Variants in IL26 observed in about 807,000 individuals in gnomAD.
The protein encoded by IL26 is interleukin 26.
IL26 carries 23 observed loss-of-function variants against 21.7 expected under a neutral mutation model. That is an observed-to-expected ratio of 1.06 (90% CI 0.76 to 1.50). The LOEUF (loss-of-function observed/expected upper bound fraction) is 1.50, where lower values mean the gene tolerates loss of function less well. Among genes scored for constraint, IL26 ranks in the 40% most tolerant of loss-of-function variants. IL26 has a pLI of 0.00. For synonymous variants in IL26, 63 were observed against 67.8 expected (o/e 0.93, Z 0.34); for missense variants, 204 against 196.0 (o/e 1.04, Z -0.24).
intron 3 of IL26, among the ~76,000 whole-genome samples, chr12:68,224,290 G>C (rs1208853678): frequency 1.8e-5 from 1 of 56,064 alleles, no homozygotes; most frequent in African/African-American, 1.8e-4. Context: ...CAGTGTTTTT[G>C]TTTTGTTTTG....
chr12:68,210,338 C>CAAAAAAAAAAAAAAAAAAAAAAAAAAA lies in IL26; in HGVS notation c.364-8282_364-8256dup, dbSNP rs540693081. On this transcript the variant is annotated intron_variant, in intron 3 of 4. Coordinates refer to ENST00000229134, the MANE Select transcript of IL26 (RefSeq NM_018402.2). ...ACTAAATAAATAAATATCAGTTTGG[C>CAAAAAAAAAAAAAAAAAAAAAAAAAAA]AAAAAAAAAAAAAAAAAAAAAAAAA... Among the ~76,000 whole-genome samples the CAAAAAAAAAAAAAAAAAAAAAAAAAAA allele has an allele frequency of 5.4e-4, 12 of 22,096 alleles. 1 individual carries two copies. The highest frequency in any genetic ancestry group is 2.6e-3 in the Admixed American group (4 of 1,526). The allele number at this position is 22,096 out of a possible 152,430, so 14.5% of individuals were successfully genotyped here. A position where few individuals can be genotyped will look rare whatever the true frequency, so the allele number is the denominator to read the frequency against.
chr12:68,209,585 A>G (rs1367217093), intron 3 of IL26, among the ~76,000 whole-genome samples: 2 of 152,146 alleles, frequency 1.3e-5, no homozygotes, highest in African/African-American at 2.4e-5. Flanking sequence ...GGCTTAGATT[A>G]TGGTGCGTCA....
chr12:68,215,704 G>C (rs964653524), intron 3 of IL26, among the ~76,000 whole-genome samples: 7 of 151,982 alleles, frequency 4.6e-5, no homozygotes, highest in African/African-American at 1.7e-4. Flanking sequence ...ATCTCCCTCT[G>C]TTGCTGAGGC....
intron 3 of IL26, among the ~76,000 whole-genome samples, chr12:68,211,263 T>A (rs901695714): frequency 2.6e-5 from 4 of 152,186 alleles, no homozygotes; most frequent in Non-Finnish European, 5.9e-5. Flanking sequence ...ATGACAGAAT[T>A]TCATTTTTTT....
Position 68,225,805 on chromosome 12 carries a change from A to G in IL26, c.-49T>C, listed in dbSNP as rs1788046437. The G allele has an allele frequency of 6.3e-7, 1 of 1,588,560 alleles. No homozygotes were observed. The highest frequency in any genetic ancestry group is 8.6e-7 in the Non-Finnish European group (1 of 1,161,594). The stretch of plus-strand genomic sequence containing the variant: ...TGTCACTCACAGCAGCCCAAGAGAT[A>G]CTAATGCCGGTTAGATGAGAGGATA... On this transcript the variant is annotated 5_prime_UTR_variant, in exon 1 of 5. Transcript: ENST00000229134.
intron 3 of IL26, among the ~76,000 whole-genome samples, chr12:68,213,699 G>C (rs1868796947): frequency 6.6e-6 from 1 of 151,898 alleles, no homozygotes; most frequent in Non-Finnish European, 1.5e-5. Context: ...ATAGTTATTT[G>C]TATTTCTGTG....
intron 3 of IL26, among the ~76,000 whole-genome samples, chr12:68,214,891 T>C (rs1868831480): frequency 6.6e-6 from 1 of 151,930 alleles, no homozygotes; most frequent in African/African-American, 2.4e-5. Flanking sequence ...TATGTTTTTT[T>C]TTTTTTATTT....
chr12:68,214,101 A>AT (rs1868808377), intron 3 of IL26, among the ~76,000 whole-genome samples: 2 of 152,034 alleles, frequency 1.3e-5, no homozygotes, highest in African/African-American at 4.8e-5. Flanking sequence ...ATCGTAATAT[A>AT]TTTACTGACT....
Position 68,202,010 on chromosome 12 carries a change from A to C in IL26, c.429+8T>G. On this transcript the variant is annotated splice_region_variant and intron_variant, in intron 4 of 4. Coordinates refer to ENST00000229134, the MANE Select transcript of IL26 (RefSeq NM_018402.2). ...AAGTTTTTTAATATAAGGATTTAGA[A>C]TTCTTACCCTATAAAATATTCTTTT... 1.3e-6 allele frequency: 2 copies of C among 1,563,098 alleles called. No individual in the cohort carries two copies. Among genetic ancestry groups the C allele is most frequent in the Non-Finnish European group, 1.7e-6 (2 of 1,148,096 alleles).
At chr12:68,207,041 T>C (rs1400054164) in intron 3 of IL26, among the ~76,000 whole-genome samples, 1 of 152,252 alleles carries the variant, frequency 6.6e-6, no homozygotes, top group Non-Finnish European at 1.5e-5. Flanking sequence ...TCTATAGATG[T>C]GCCTTTCTTT....
intron 3 of IL26, among the ~76,000 whole-genome samples, chr12:68,223,213 G>GCT: frequency 6.6e-6 from 1 of 152,174 alleles, no homozygotes; most frequent in Non-Finnish European, 1.5e-5. Flanking sequence ...GACAACTGAT[G>GCT]CTCACACTGA....
chr12:68,222,234 A>G (rs562873309), intron 3 of IL26, among the ~76,000 whole-genome samples: 3 of 152,350 alleles, frequency 2.0e-5, no homozygotes, highest in Non-Finnish European at 4.4e-5. Context: ...CAAAATACAT[A>G]ATTACTGGAT....
rs1447441420 is a variant in IL26, at chr12:68,225,004, CT to C, written c.363+144del. The C allele has an allele frequency of 4.5e-6, 3 of 665,574 alleles. No homozygotes were observed. The African/African-American group carries it at 5.5e-5, about 12-fold the overall frequency. The allele number at this position is 665,574 out of a possible 1,614,324, so 41.2% of individuals were successfully genotyped here. The stretch of plus-strand genomic sequence containing the variant: ...TGTACAGTTATTTAATGCTATTTCC[CT>C]GGTGATGACCTCTCCATTTGGACTA... On this transcript the variant is annotated intron_variant, in intron 3 of 4. Transcript: ENST00000229134.
chr12:68,205,018 G>C (rs1266136860), intron 3 of IL26, among the ~76,000 whole-genome samples: 1 of 152,292 alleles, frequency 6.6e-6, no homozygotes, highest in African/African-American at 2.4e-5. Flanking sequence ...ATGGCTGAAC[G>C]ATTTGACAAA....
intron 3 of IL26, among the ~76,000 whole-genome samples, chr12:68,218,832 G>GTGCCTT (rs2120464828): frequency 6.6e-6 from 1 of 152,106 alleles, no homozygotes; most frequent in Non-Finnish European, 1.5e-5. Flanking sequence ...GCACGAATAT[G>GTGCCTT]TTATGAGTAA....
intron 3 of IL26, among the ~76,000 whole-genome samples, chr12:68,217,584 A>T (rs1397952341): frequency 6.6e-6 from 1 of 152,176 alleles, no homozygotes; most frequent in East Asian, 1.9e-4. Flanking sequence ...CTTATGAGTA[A>T]AGAAGATAAA....
chr12:68,222,521 A>G lies in IL26; in HGVS notation c.363+2628T>C, dbSNP rs11570923. Among the ~76,000 whole-genome samples the G allele has an allele frequency of 3.3e-3, 499 of 152,338 alleles. 1 individual carries two copies. Among genetic ancestry groups the G allele is most frequent in the Non-Finnish European group, 5.3e-3 (361 of 68,030 alleles). On this transcript the variant is annotated intron_variant, in intron 3 of 4. Transcript: ENST00000229134. The stretch of plus-strand genomic sequence containing the variant: ...CCCCTCAGAATCCTGTTTAGCCTAT[A>G]GCATCATACTAACCTAAGCATTATC...
Position 68,221,193 on chromosome 12 carries a change from C to A in IL26, c.363+3956G>T, listed in dbSNP as rs979749053. ...AAAACTAAATAAATAAAAGAAAAAA[C>A]TAATTCAACAACTTGGTCATTGACA... On this transcript the variant is annotated intron_variant, in intron 3 of 4. Coordinates refer to ENST00000229134, the MANE Select transcript of IL26 (RefSeq NM_018402.2). Among the ~76,000 whole-genome samples, 20 of 152,054 alleles carry A rather than the reference C, an allele frequency of 1.3e-4. 1 individual carries two copies. Among genetic ancestry groups the A allele is most frequent in the Non-Finnish European group, 2.4e-4 (16 of 68,020 alleles).
chr12:68,210,338 C>CAAAAAAAAAAAAAAA (rs540693081), intron 3 of IL26, among the ~76,000 whole-genome samples: 10 of 22,096 alleles, frequency 4.5e-4, no homozygotes, highest in Non-Finnish European at 8.1e-4. Context: ...ATCAGTTTGG[C>CAAAAAAAAAAAAAAA]AAAAAAAAAA....
Sources: allele counts gnomAD v4.1 joint callset (sites outside exome capture counted in the v4.1 genomes callset), GRCh38; gene constraint gnomAD v4.1.1; transcripts MANE v1.5; gene names NCBI Gene and HGNC (gene_info 2026-07-23, HGNC 2026-07-21).